ZNF600: variants seen among roughly 807,000 people sequenced by gnomAD.
ZNF600 encodes the protein zinc finger protein KR-ZNF1.
A neutral mutation model predicts 7.3 loss-of-function variants in ZNF600; 4 were observed. That is an observed-to-expected ratio of 0.55 (90% CI 0.27 to 1.25). The LOEUF (loss-of-function observed/expected upper bound fraction) is 1.25, where lower values mean the gene tolerates loss of function less well. Among genes scored for constraint, ZNF600 ranks in the 50% most tolerant of loss-of-function variants. The probability of loss-of-function intolerance (pLI) is 0.12; values close to 1 mark genes in which losing one functional copy is unlikely to be tolerated. For synonymous variants in ZNF600, 290 were observed against 308.9 expected, an observed-to-expected ratio of 0.94 and a Z score of 0.64; for missense variants, 911 against 922.1, an observed-to-expected ratio of 0.99 and a Z score of 0.16.
At chr19:52,802,862 G>A in the ZNF600 span, among the ~76,000 whole-genome samples, 1 of 147,018 alleles carries the variant, frequency 6.8e-6, no homozygotes, top group East Asian at 2.0e-4. Context: ...CCGGGTTCAC[G>A]CCATTCTCCT....
chr19:52,787,717 A>G (rs1246738285), upstream of ZNF600, among the ~76,000 whole-genome samples: 1 of 150,188 alleles, frequency 6.7e-6, no homozygotes, highest in East Asian at 2.0e-4. Flanking sequence ...AAAATTAGCC[A>G]AGCGTGGTGG....
chr19:52,793,767 CACACACACACACACACA>C, the ZNF600 span, among the ~76,000 whole-genome samples: 1 of 1,970 alleles, frequency 5.1e-4, no homozygotes, highest in African/African-American at 1.0e-3. Flanking sequence ...AACTCTGCCA[CACACACACACACACACA>C]CACACACACA....
At chr19:52,765,303 C>A (rs141033461) in exon 4 of ZNF600, 1 of 653,472 alleles carries the variant, frequency 1.5e-6, no homozygotes, top group East Asian at 3.2e-5. Context: ...GAGGTGTGAA[C>A]ATGAAGTAAA....
chr19:52,826,556 A>T, the ZNF600 span, among the ~76,000 whole-genome samples: 10 of 152,092 alleles, frequency 6.6e-5, no homozygotes, highest in Admixed American at 2.0e-4. Context: ...AAATACAAAT[A>T]TTAGCTGGGT....
the ZNF600 span, among the ~76,000 whole-genome samples, chr19:52,829,171 T>C: frequency 2.0e-3 from 303 of 147,888 alleles, 2 homozygotes; most frequent in African/African-American, 7.1e-3. Flanking sequence ...GCCTTATTTT[T>C]ATTTTTTTCT....
chr19:52,807,868 C>G, the ZNF600 span: 1 of 1,355,190 alleles, frequency 7.4e-7, no homozygotes, highest in Admixed American at 2.1e-5. Flanking sequence ...CAGTGAAAGT[C>G]CAGATGCTAC....
the ZNF600 span, among the ~76,000 whole-genome samples, chr19:52,803,242 A>T: frequency 6.6e-6 from 1 of 151,718 alleles, no homozygotes; most frequent in Admixed American, 6.6e-5. Flanking sequence ...GTGCCCGGCT[A>T]ATTTTTGTAT....
the ZNF600 span, among the ~76,000 whole-genome samples, chr19:52,816,551 C>T: frequency 6.9e-6 from 1 of 145,114 alleles, no homozygotes; most frequent in Non-Finnish European, 1.5e-5. Flanking sequence ...GTAGTCCCAG[C>T]TACTTGGGAG....
the ZNF600 span, among the ~76,000 whole-genome samples, chr19:52,816,392 C>T: frequency 1.4e-5 from 2 of 145,826 alleles, no homozygotes; most frequent in Non-Finnish European, 3.0e-5. Context: ...AAGCCGGGCG[C>T]GGTGGCTCAA....
the ZNF600 span, among the ~76,000 whole-genome samples, chr19:52,792,771 C>T: frequency 3.3e-5 from 5 of 151,920 alleles, no homozygotes; most frequent in South Asian, 6.3e-4. Context: ...TTCACTCTGT[C>T]GCCCAGGCTG....
At chr19:52,812,734 T>G in the ZNF600 span, among the ~76,000 whole-genome samples, 1 of 91,774 alleles carries the variant, frequency 1.1e-5, no homozygotes. Flanking sequence ...CAAATCCCCC[T>G]CTGCGAGAAA....
chr19:52,774,979 C>T (rs1238206651), intron 2 of ZNF600, among the ~76,000 whole-genome samples: 1 of 152,108 alleles, frequency 6.6e-6, no homozygotes, highest in Non-Finnish European at 1.5e-5. Context: ...GTGGTTCACA[C>T]CTGTAATCCT....
intron 2 of ZNF600, among the ~76,000 whole-genome samples, chr19:52,776,487 C>G (rs1327307487): frequency 6.6e-6 from 1 of 151,850 alleles, no homozygotes; most frequent in Admixed American, 6.6e-5. Context: ...TCTCAGCTCA[C>G]TGCAACCTCG....
chr19:52,788,232 G>A (rs1164186205), upstream of ZNF600, among the ~76,000 whole-genome samples: 2 of 152,168 alleles, frequency 1.3e-5, no homozygotes, highest in Non-Finnish European at 2.9e-5. Context: ...GTGAGCAAAC[G>A]TGTGAGGCAG....
the ZNF600 span, among the ~76,000 whole-genome samples, chr19:52,822,728 G>T: frequency 6.6e-6 from 1 of 152,204 alleles, no homozygotes; most frequent in Non-Finnish European, 1.5e-5. Flanking sequence ...TTAGCTTCAT[G>T]CAGAGAGAGG....
chr19:52,767,183 T>C, exon 4 of ZNF600: 1 of 1,614,198 alleles, frequency 6.2e-7, no homozygotes, highest in Non-Finnish European at 8.5e-7. Context: ...ATACATCACA[T>C]TTATATTGTT....
the ZNF600 span, chr19:52,801,477 G>A: frequency 3.7e-6 from 6 of 1,614,118 alleles, no homozygotes; most frequent in Non-Finnish European, 5.1e-6. Flanking sequence ...ATGTTGGCCT[G>A]TACTACCAGT....
At chr19:52,773,529 T>C (rs536151777) in intron 3 of ZNF600, among the ~76,000 whole-genome samples, 25 of 152,052 alleles carry the variant, frequency 1.6e-4, no homozygotes, top group African/African-American at 5.5e-4. Context: ...TAGGAGACCA[T>C]GGGGTTGAAG....
chr19:52,817,886 A>G, the ZNF600 span: 2 of 1,607,602 alleles, frequency 1.2e-6, no homozygotes, highest in South Asian at 2.2e-5. Flanking sequence ...CCCAACTCCA[A>G]GGCCCAGCGT....
Sources: allele counts gnomAD v4.1 joint callset (sites outside exome capture counted in the v4.1 genomes callset), GRCh38; gene constraint gnomAD v4.1.1; transcripts MANE v1.5; gene names NCBI Gene and HGNC (gene_info 2026-07-23, HGNC 2026-07-21).